The following ZNF585B variants were observed in gnomAD, a reference collection of about 807,000 sequenced individuals.
ZNF585B encodes zinc finger protein 585B.
In ZNF585B, 7 loss-of-function variants were observed where a neutral mutation model predicts 14.0. The ratio of observed to expected loss-of-function variants is 0.50; its 90% CI spans 0.28 to 0.94. The LOEUF (loss-of-function observed/expected upper bound fraction) is 0.94. Among genes scored for constraint, ZNF585B ranks in the 40% least tolerant of loss-of-function variants. The probability of loss-of-function intolerance (pLI) is 0.09; values close to 1 mark genes in which losing one functional copy is unlikely to be tolerated. For synonymous variants in ZNF585B, 290 were observed against 317.3 expected (o/e 0.91, Z 0.91); for missense variants, 750 against 924.4 (o/e 0.81, Z 2.45).
At chr19:37,188,904 A>G (rs1972368942) in intron 4 of ZNF585B, among the ~76,000 whole-genome samples, 2 of 151,998 alleles carry the variant, frequency 1.3e-5, no homozygotes, top group Admixed American at 6.6e-5. Flanking sequence ...TATAGCAAAA[A>G]TAGTTAGAGA....
At chr19:37,206,586 T>A (rs1972590026) in intron 2 of ZNF585B, among the ~76,000 whole-genome samples, 1 of 151,912 alleles carries the variant, frequency 6.6e-6, no homozygotes. Context: ...TTACCCAGAA[T>A]GGATAGCAGG....
intron 2 of ZNF585B, among the ~76,000 whole-genome samples, chr19:37,203,479 CAAAA>C (rs35565550): frequency 3.5e-5 from 4 of 114,856 alleles, no homozygotes. Flanking sequence ...GATCTTGTCA[CAAAA>C]AAAAAAAAAA....
At chr19:37,191,542 TG>T (rs1378052355) in intron 2 of ZNF585B, among the ~76,000 whole-genome samples, 1 of 151,440 alleles carries the variant, frequency 6.6e-6, no homozygotes, top group Non-Finnish European at 1.5e-5. Flanking sequence ...CACTTGAACT[TG>T]GGAGGTGGAG....
intron 2 of ZNF585B, among the ~76,000 whole-genome samples, chr19:37,200,476 G>A (rs1402904407): frequency 1.3e-5 from 2 of 149,660 alleles, no homozygotes; most frequent in African/African-American, 2.5e-5. Flanking sequence ...CTTGAACCCG[G>A]CAGATGGAGG....
At position 37,185,993 on chromosome 19, in the gene ZNF585B, A is replaced by G. The variant is rs756926203; in HGVS notation, c.1544T>C (p.Ile515Thr). Residue 515 changes from isoleucine (I) to threonine (T), a missense_variant, in exon 5 of 5, where the codon ATC (isoleucine) becomes ACC (threonine). Physicochemically the swap from Ile to Thr is moderately conservative, Grantham distance 89. Around this residue, in one of 2 missense-constraint regions of ZNF585B, gnomAD observed 233 missense variants for 354.1 expected, o/e 0.66. Transcript: ENST00000532828. ...TTCATAAGGCTTCTCCCCAGTATGG[A>G]TTCTCTGATGTGTAATCAAGTCTGA... The part of the protein sequence containing the change: ...QRSDLITHQR[I>T]HTGEKPYECN... 1 of 1,613,874 alleles carries G rather than the reference A, an allele frequency of 6.2e-7. No homozygotes were observed. The highest frequency in any genetic ancestry group is 1.3e-5 in the African/African-American group (1 of 74,942).
At position 37,181,695 on chromosome 19, in the gene ZNF585B, A is replaced by AG. The variant is rs1389465601; in HGVS notation, c.*3531dup. 2 of 149,258 alleles carry AG rather than the reference A, an allele frequency of 1.3e-5. No individual in the cohort carries two copies. The highest frequency in any genetic ancestry group is 3.0e-5 in the Non-Finnish European group (2 of 67,522). The allele number at this position is 149,258 out of a possible 1,614,324, so 9.2% of individuals were successfully genotyped here. ...CCAGACAATAGCATATTATTCAATG[A>AG]GAAAAAAAAAAAAAAAAGAGCTAGC... On this transcript the variant is annotated 3_prime_UTR_variant, in exon 5 of 5. Coordinates refer to ENST00000532828, the MANE Select transcript of ZNF585B (RefSeq NM_152279.4).
In ZNF585B at chr19:37,187,178, T is replaced by A. The variant is rs1266304717; in HGVS notation, c.359A>T (p.Asp120Val). 6.2e-7 allele frequency: 1 copy of A among 1,613,332 alleles called. No individual in the cohort carries two copies. The highest frequency in any genetic ancestry group is 8.5e-7 in the Non-Finnish European group (1 of 1,179,876). The change falls in exon 5 of 5, where the codon GAT (aspartate) becomes GTT (valine). Residue 120 changes from aspartate to valine, a missense_variant. Physicochemically the swap from Asp to Val is radical, Grantham distance 152. Transcript: ENST00000532828. Reference sequence around the variant, plus strand: ...TTTTTCCCCAGAATAAATTTTTTGATCTTGAGAGGAAGCTGGTTTATAACC... The same window carrying A: ...TTTTTCCCCAGAATAAATTTTTTGAACTTGAGAGGAAGCTGGTTTATAACC... ...IIGYKPASSQ[D>V]QKIYSGEKSY...
intron 2 of ZNF585B, among the ~76,000 whole-genome samples, chr19:37,200,644 G>C (rs1195275778): frequency 6.7e-6 from 1 of 148,204 alleles, no homozygotes; most frequent in East Asian, 2.0e-4. Flanking sequence ...TAGAAAAAAA[G>C]AATTTAATAA....
rs1972302377 is a variant in ZNF585B at position 37,184,443 on chromosome 19, G to GGAAGGAAA, written c.*783_*784insTTTCCTTC. On this transcript the variant is annotated 3_prime_UTR_variant, in exon 5 of 5. Coordinates refer to ENST00000532828, the MANE Select transcript of ZNF585B (RefSeq NM_152279.4). ...GAAAGAAAGAAAAAGAAAGAAAGAAGGAAAGAAAGAAAGAAAGAAAGAAAG... is the reference window on the plus strand; with the variant it reads ...GAAAGAAAGAAAAAGAAAGAAAGAAGGAAGGAAAGAAAGAAAGAAAGAAAGAAAGAAAG... 1.2e-4 allele frequency: 7 copies of GGAAGGAAA among 58,856 alleles called. No homozygotes were observed. The highest frequency in any genetic ancestry group is 4.9e-4 in the East Asian group (1 of 2,040). The allele number at this position is 58,856 out of a possible 1,614,324, so 3.6% of individuals were successfully genotyped here. A position where few individuals can be genotyped will look rare whatever the true frequency, so the allele number is the denominator to read the frequency against.
intron 2 of ZNF585B, among the ~76,000 whole-genome samples, chr19:37,206,036 T>A (rs990536694): frequency 6.6e-6 from 1 of 151,948 alleles, no homozygotes; most frequent in African/African-American, 2.4e-5. Flanking sequence ...GCGGAGATCA[T>A]GCCATTGCAC....
chr19:37,202,092 C>T (rs969389954), intron 2 of ZNF585B, among the ~76,000 whole-genome samples: 8 of 151,970 alleles, frequency 5.3e-5, no homozygotes, highest in South Asian at 2.1e-4. Context: ...GTGAACTCAC[C>T]GCAACCTCCA....
rs778955255 is a variant in ZNF585B at position 37,185,349 on chromosome 19, T to A, written c.2188A>T (p.Arg730Trp). Residue 730 changes from arginine to tryptophan, a missense_variant, in exon 5 of 5, where the codon AGG (arginine) becomes TGG (tryptophan). Coordinates refer to ENST00000532828, the MANE Select transcript of ZNF585B (RefSeq NM_152279.4). ...GTCTGATGTTTATTCAAATTGGACC[T>A]GTTGCTAAAGGCCTTCCCACACTCA... ...CAECGKAFSN[R>W]SNLNKHQTTH... is the part of the protein sequence containing the mutation. 6.2e-7 allele frequency: 1 copy of A among 1,614,212 alleles called. No homozygotes were observed. The highest frequency in any genetic ancestry group is 1.1e-5 in the South Asian group (1 of 91,086).
intron 1 of ZNF585B, among the ~76,000 whole-genome samples, chr19:37,208,393 G>A (rs1489249289): frequency 6.6e-6 from 1 of 152,010 alleles, no homozygotes; most frequent in Non-Finnish European, 1.5e-5. Flanking sequence ...CATTGTGGTG[G>A]GGTGATAAGG....
chr19:37,208,591 GCC>G (rs1972612036), intron 1 of ZNF585B, among the ~76,000 whole-genome samples: 1 of 100,380 alleles, frequency 1.0e-5, no homozygotes. Flanking sequence ...AGCAAAAAAG[GCC>G]AAAAAAAAAA....
intron 3 of ZNF585B, 83 bp from the exon 4 acceptor site, chr19:37,189,836 G>C (rs1724805789): frequency 6.3e-7 from 1 of 1,593,926 alleles, no homozygotes; most frequent in African/African-American, 1.3e-5. Flanking sequence ...GTTCAATGAT[G>C]GTTTGTTCTT....
rs1972593912 is a variant in ZNF585B, at chr19:37,207,027, T to C, written c.72+13A>G. 4 of 1,600,082 alleles carry C rather than the reference T, an allele frequency of 2.5e-6. No homozygotes were observed. Among genetic ancestry groups the C allele is most frequent in the Non-Finnish European group, 3.4e-6 (4 of 1,179,610 alleles). On this transcript the variant is annotated intron_variant, in intron 2 of 4. Transcript: ENST00000532828. The stretch of plus-strand genomic sequence containing the variant: ...GGACTGAAATTCCACCCCTTGGGAC[T>C]CCTCCTCCTCACCTCATAGGAGCTG...
chr19:37,198,934 G>A, intron 2 of ZNF585B: 1 of 1,434,596 alleles, frequency 7.0e-7, no homozygotes, highest in Non-Finnish European at 9.3e-7. Context: ...ATTTTTGAAA[G>A]CTACCTTGTT....
intron 2 of ZNF585B, among the ~76,000 whole-genome samples, chr19:37,203,424 G>A (rs1972553902): frequency 7.6e-6 from 1 of 132,348 alleles, no homozygotes; most frequent in African/African-American, 2.9e-5. Context: ...AGGTTGCAGT[G>A]AACTGAGATC....
At chr19:37,194,615 AAAAC>A (rs886952365) in intron 2 of ZNF585B, among the ~76,000 whole-genome samples, 4 of 152,170 alleles carry the variant, frequency 2.6e-5, no homozygotes, top group African/African-American at 4.8e-5. Context: ...CTCCATCTCA[AAAAC>A]AAACAAACAA....
Sources: allele counts gnomAD v4.1 joint callset (sites outside exome capture counted in the v4.1 genomes callset), GRCh38; gene constraint gnomAD v4.1.1; regional missense constraint gnomAD v4.1.1; transcripts MANE v1.5; gene names NCBI Gene and HGNC (gene_info 2026-07-23, HGNC 2026-07-21).